Variants in MAP2K1 observed in about 807,000 individuals in gnomAD.
MAP2K1 encodes mitogen-activated protein kinase kinase 1, also known as dual specificity mitogen-activated protein kinase kinase 1.
MAP2K1 carries 16 observed loss-of-function variants against 46.3 expected under a neutral mutation model. That is an observed-to-expected ratio of 0.35 (90% CI 0.23 to 0.52). The LOEUF is 0.52. Ranked by LOEUF, MAP2K1 falls within the 20% of genes least tolerant of loss-of-function variation. The probability of loss-of-function intolerance (pLI) is 0.94; values close to 1 mark genes in which losing one functional copy is unlikely to be tolerated. For missense variants in MAP2K1, 263 were observed against 497.1 expected, an observed-to-expected ratio of 0.53 and a Z score of 4.48; for synonymous variants, 183 against 185.6, an observed-to-expected ratio of 0.99 and a Z score of 0.11.
chr15:66,400,304 G>A (rs772730972), intron 1 of MAP2K1, among the ~76,000 whole-genome samples: 1 of 152,124 alleles, frequency 6.6e-6, no homozygotes, highest in Non-Finnish European at 1.5e-5. Context: ...GATTACAGGT[G>A]TCAGCCACTG....
chr15:66,436,145 C>G (rs1292100202), intron 2 of MAP2K1, among the ~76,000 whole-genome samples: 1 of 152,170 alleles, frequency 6.6e-6, no homozygotes, highest in Non-Finnish European at 1.5e-5. Flanking sequence ...CTAGCTTTTA[C>G]CAGGTGCCCC....
chr15:66,397,391 A>G (rs1310503086), intron 1 of MAP2K1, among the ~76,000 whole-genome samples: 1 of 152,164 alleles, frequency 6.6e-6, no homozygotes, highest in Non-Finnish European at 1.5e-5. Context: ...GGCTGGTAAT[A>G]AGAAACCCAT....
chr15:66,452,238 GTAAC>G (rs555498928), intron 5 of MAP2K1, among the ~76,000 whole-genome samples: 6 of 127,440 alleles, frequency 4.7e-5, no homozygotes, highest in African/African-American at 1.8e-4. Context: ...GTATACATAT[GTAAC>G]TAACCTGCAC....
intron 1 of MAP2K1, among the ~76,000 whole-genome samples, chr15:66,424,755 G>T (rs994645479): frequency 6.7e-6 from 1 of 148,784 alleles, no homozygotes; most frequent in African/African-American, 2.5e-5. Flanking sequence ...TGAAGTAGAG[G>T]TAGGGAGGTT....
intron 1 of MAP2K1, among the ~76,000 whole-genome samples, chr15:66,410,787 G>A (rs546513031): frequency 6.6e-6 from 1 of 152,340 alleles, no homozygotes; most frequent in East Asian, 1.9e-4. Flanking sequence ...CACACATACA[G>A]TACAGTGAAA....
chr15:66,484,867 G>A, intron 6 of MAP2K1, 123 bp from the exon 7 acceptor site: 1 of 882,272 alleles, frequency 1.1e-6, no homozygotes, highest in Admixed American at 1.7e-5. Flanking sequence ...CCAAATTCAA[G>A]AGGTTAGTGG....
At chr15:66,476,233 C>G (rs1892752088) in intron 5 of MAP2K1, among the ~76,000 whole-genome samples, 1 of 152,168 alleles carries the variant, frequency 6.6e-6, no homozygotes, top group Non-Finnish European at 1.5e-5. Flanking sequence ...AGAATGTAGC[C>G]TGGCCAGCCA....
At chr15:66,389,572 G>GT (rs375412152) in intron 1 of MAP2K1, among the ~76,000 whole-genome samples, 6,220 of 86,916 alleles carry the variant, frequency 0.072, 386 homozygotes, top group East Asian at 0.25. Context: ...CTCTGTTGTG[G>GT]TTTTTTTTTT....
At chr15:66,481,686 A>G in intron 5 of MAP2K1, 69 bp from the exon 6 acceptor site, 1 of 1,566,906 alleles carries the variant, frequency 6.4e-7, no homozygotes, top group Non-Finnish European at 8.7e-7. Flanking sequence ...TCTGTGTGGA[A>G]TGCTGATCCT....
At chr15:66,446,757 G>A in intron 5 of MAP2K1, 1 of 332,788 alleles carries the variant, frequency 3.0e-6, no homozygotes, top group Non-Finnish European at 6.3e-6. Flanking sequence ...CGGCAAAAAT[G>A]GCCTTGCACC....
chr15:66,457,072 G>T (rs958180263), intron 5 of MAP2K1, among the ~76,000 whole-genome samples: 3 of 152,144 alleles, frequency 2.0e-5, no homozygotes, highest in African/African-American at 7.2e-5. Context: ...GCTAAGAATA[G>T]TTTTCAAAAT....
intron 1 of MAP2K1, among the ~76,000 whole-genome samples, chr15:66,425,304 T>C (rs2093455071): frequency 6.6e-6 from 1 of 152,238 alleles, no homozygotes; most frequent in Admixed American, 6.5e-5. Context: ...CTTAGATTCT[T>C]CATCAACTAG....
intron 5 of MAP2K1, among the ~76,000 whole-genome samples, chr15:66,452,740 C>T (rs1892066870): frequency 6.6e-6 from 1 of 152,146 alleles, no homozygotes; most frequent in South Asian, 2.1e-4. Context: ...AAGCAACTGG[C>T]AAAGTGTTTT....
Position 66,387,330 on chromosome 15 carries a change from G to C in MAP2K1, c.-18G>C. The C allele has an allele frequency of 6.4e-7, 1 of 1,552,672 alleles. No homozygotes were observed. The highest frequency in any genetic ancestry group is 8.7e-7 in the Non-Finnish European group (1 of 1,147,016). ...CTGCCCTCCCCCCGGAGTTGGAAGCGCGTTACCCGGGTCCAAAATGCCCAA... is the reference window on the plus strand; with the variant it reads ...CTGCCCTCCCCCCGGAGTTGGAAGCCCGTTACCCGGGTCCAAAATGCCCAA... On this transcript the variant is annotated 5_prime_UTR_variant, in exon 1 of 11. Transcript: ENST00000307102.
intron 3 of MAP2K1, among the ~76,000 whole-genome samples, chr15:66,442,528 C>T (rs1312529979): frequency 6.6e-6 from 1 of 152,182 alleles, no homozygotes; most frequent in Non-Finnish European, 1.5e-5. Flanking sequence ...ATGTCTGTAT[C>T]ACTTTCTTAG....
At position 66,481,722 on chromosome 15, in the gene MAP2K1, G is replaced by A. The variant is rs2140667050; in HGVS notation, c.569-33G>A. The A allele has an allele frequency of 3.1e-6, 5 of 1,608,880 alleles. No homozygotes were observed. In the East Asian group the frequency reaches 1.1e-4, roughly 36 times the overall value. On this transcript the variant is annotated intron_variant, in intron 5 of 10. Coordinates refer to ENST00000307102, the MANE Select transcript of MAP2K1 (RefSeq NM_002755.4). ...TCTCTTCCCCAATCTACCTGTGTCA[G>A]TTCCCTCCTTTTCTATTTTCTCTTC...
At chr15:66,490,362 G>C in intron 10 of MAP2K1, 140 bp from the exon 11 acceptor site, 1 of 756,740 alleles carries the variant, frequency 1.3e-6, no homozygotes, top group Non-Finnish European at 2.4e-6. Context: ...TGGCCCCACT[G>C]TTGCTCAGGG....
At chr15:66,441,966 T>C (rs1331104284) in intron 3 of MAP2K1, among the ~76,000 whole-genome samples, 2 of 152,184 alleles carry the variant, frequency 1.3e-5, no homozygotes, top group Admixed American at 6.5e-5. Context: ...CCTTGATACA[T>C]CAGGATCCCC....
At chr15:66,435,617 T>C (rs7168405) in intron 2 of MAP2K1, among the ~76,000 whole-genome samples, 137,417 of 152,160 alleles carry the variant, frequency 0.9, 63,685 homozygotes, top group East Asian at 1. Context: ...TGTGAGCCAC[T>C]GTGCCCAGCC....
Sources: gnomAD v4.1 joint callset for allele counts (sites outside exome capture counted in the v4.1 genomes callset) on GRCh38, gnomAD v4.1.1 for gene constraint, MANE v1.5 for transcripts, NCBI Gene and HGNC (gene_info 2026-07-23, HGNC 2026-07-21) for gene names.